The following ENOX1 variants were observed in gnomAD, a reference collection of about 807,000 sequenced individuals.
ENOX1 encodes the protein ecto-NOX disulfide-thiol exchanger 1, also known as candidate growth-related and time keeping constitutive hydroquinone (NADH) oxidase.
A neutral mutation model predicts 82.5 loss-of-function variants in ENOX1; 42 were observed. The observed-to-expected ratio is 0.51, with a 90% CI of 0.40 to 0.66. The LOEUF (loss-of-function observed/expected upper bound fraction) is 0.66. ENOX1 is among the 30% of genes least tolerant of loss of function. The pLI is 0.00. For missense variants in ENOX1, 608 were observed against 811.6 expected, an observed-to-expected ratio of 0.75 and a Z score of 3.05; for synonymous variants, 271 against 282.2, an observed-to-expected ratio of 0.96 and a Z score of 0.40.
chr13:43,365,941 A>G (rs1022366029), intron 5 of ENOX1, among the ~76,000 whole-genome samples: 15 of 152,334 alleles, frequency 9.8e-5, no homozygotes, highest in Admixed American at 4.6e-4. Flanking sequence ...CAAACATGCA[A>G]TTGTGCTGCT....
chr13:43,555,642 C>A (rs2079401092), intron 2 of ENOX1, among the ~76,000 whole-genome samples: 1 of 152,078 alleles, frequency 6.6e-6, no homozygotes, highest in Non-Finnish European at 1.5e-5. Flanking sequence ...ATGGAGAAAA[C>A]CTCAGTCTAC....
chr13:43,632,463 T>A (rs552556148), intron 2 of ENOX1, among the ~76,000 whole-genome samples: 108 of 151,918 alleles, frequency 7.1e-4, no homozygotes, highest in African/African-American at 2.0e-3. Flanking sequence ...ATTTTTTTTT[T>A]AAATGGAGTT....
chr13:43,573,311 C>A (rs914281650), intron 2 of ENOX1, among the ~76,000 whole-genome samples: 1 of 152,130 alleles, frequency 6.6e-6, no homozygotes, highest in African/African-American at 2.4e-5. Flanking sequence ...GTGTCTGCAA[C>A]CAAGAAGGCA....
intron 1 of ENOX1, among the ~76,000 whole-genome samples, chr13:43,785,815 C>G (rs763020432): frequency 4.6e-5 from 7 of 152,140 alleles, no homozygotes; most frequent in Non-Finnish European, 8.8e-5. Flanking sequence ...CCGCGAGCCC[C>G]GGGTGTCCAA....
chr13:43,538,424 C>T (rs2078561219), intron 2 of ENOX1, among the ~76,000 whole-genome samples: 1 of 152,088 alleles, frequency 6.6e-6, no homozygotes, highest in South Asian at 2.1e-4. Context: ...AGGAAAACTT[C>T]CTTTCATTGC....
chr13:43,456,692 G>A (rs1052687105), intron 3 of ENOX1, among the ~76,000 whole-genome samples: 20 of 152,180 alleles, frequency 1.3e-4, no homozygotes, highest in Non-Finnish European at 1.8e-4. Flanking sequence ...TGAGTCTAGA[G>A]TATCTCTGAT....
intron 15 of ENOX1, among the ~76,000 whole-genome samples, chr13:43,235,328 T>C (rs1391625494): frequency 6.6e-6 from 1 of 152,222 alleles, no homozygotes; most frequent in East Asian, 1.9e-4. Flanking sequence ...GAAAAATCTA[T>C]ATATGATGGA....
chr13:43,383,800 C>T (rs1385397614), intron 5 of ENOX1, among the ~76,000 whole-genome samples: 1 of 152,190 alleles, frequency 6.6e-6, no homozygotes, highest in Non-Finnish European at 1.5e-5. Flanking sequence ...CAGTATGTTG[C>T]TAGTAGAATG....
At chr13:43,292,121 C>A (rs1427530243) in intron 12 of ENOX1, among the ~76,000 whole-genome samples, 1 of 152,096 alleles carries the variant, frequency 6.6e-6, no homozygotes, top group Non-Finnish European at 1.5e-5. Context: ...AATAGCTAAA[C>A]AACTAATCCT....
chr13:43,301,248 C>T (rs558892733), intron 11 of ENOX1, among the ~76,000 whole-genome samples: 28 of 152,164 alleles, frequency 1.8e-4, no homozygotes, highest in African/African-American at 5.8e-4. Context: ...TCGATTAGTA[C>T]GCAGGGATGG....
At chr13:43,669,180 C>T (rs532882563) in intron 1 of ENOX1, among the ~76,000 whole-genome samples, 1 of 152,214 alleles carries the variant, frequency 6.6e-6, no homozygotes, top group Admixed American at 6.5e-5. Flanking sequence ...AATACGGGGA[C>T]CATAAAGAGA....
chr13:43,339,197 T>C (rs541451881), intron 9 of ENOX1, among the ~76,000 whole-genome samples: 35 of 152,344 alleles, frequency 2.3e-4, no homozygotes, highest in Non-Finnish European at 3.5e-4. Context: ...TCACAACTTT[T>C]TCTTTATGTT....
intron 5 of ENOX1, among the ~76,000 whole-genome samples, chr13:43,375,928 C>T (rs746944424): frequency 6.6e-5 from 10 of 152,182 alleles, no homozygotes; most frequent in Non-Finnish European, 1.5e-4. Flanking sequence ...AGGCCTCTTG[C>T]AAGCTGAGTC....
intron 1 of ENOX1, among the ~76,000 whole-genome samples, chr13:43,766,000 C>T (rs922264931): frequency 1.3e-5 from 2 of 152,106 alleles, no homozygotes; most frequent in South Asian, 4.1e-4. Flanking sequence ...GTTCTTATGA[C>T]ACTAAAACTA....
At chr13:43,622,476 G>T (rs1271023349) in intron 2 of ENOX1, among the ~76,000 whole-genome samples, 1 of 152,196 alleles carries the variant, frequency 6.6e-6, no homozygotes, top group Admixed American at 6.5e-5. Context: ...TCCTATGGAT[G>T]TGGCTTCCTG....
At chr13:43,263,748 T>C (rs1020728039) in intron 14 of ENOX1, among the ~76,000 whole-genome samples, 1 of 152,234 alleles carries the variant, frequency 6.6e-6, no homozygotes, top group Admixed American at 6.5e-5. Context: ...ACCAGGAAAC[T>C]GAGGCCTACT....
chr13:43,232,906 A>C (rs1320854793), intron 15 of ENOX1, among the ~76,000 whole-genome samples: 1 of 152,212 alleles, frequency 6.6e-6, no homozygotes, highest in Non-Finnish European at 1.5e-5. Flanking sequence ...GGACCCAGAG[A>C]GTTATACTCT....
At chr13:43,522,843 T>G (rs1679535482) in intron 2 of ENOX1, among the ~76,000 whole-genome samples, 1 of 152,170 alleles carries the variant, frequency 6.6e-6, no homozygotes, top group Non-Finnish European at 1.5e-5. Flanking sequence ...AATCTTGGAA[T>G]AAATAGAAAT....
chr13:43,599,111 G>A (rs1239161626), intron 2 of ENOX1, among the ~76,000 whole-genome samples: 2 of 152,216 alleles, frequency 1.3e-5, no homozygotes, highest in East Asian at 3.9e-4. Flanking sequence ...TAGGAGAAAA[G>A]AGGGAAGAGG....
Sources: allele counts gnomAD v4.1 joint callset (sites outside exome capture counted in the v4.1 genomes callset), GRCh38; gene constraint gnomAD v4.1.1; transcripts MANE v1.5; gene names NCBI Gene and HGNC (gene_info 2026-07-23, HGNC 2026-07-21).